Variants in THSD4 observed in about 807,000 individuals in gnomAD.
The protein encoded by THSD4 is thrombospondin type 1 domain containing 4, also known as thrombospondin type-1 domain-containing protein 4.
Under a neutral mutation model 119.0 loss-of-function variants are expected in THSD4, and 69 were observed. The ratio of observed to expected loss-of-function variants is 0.58; its 90% CI spans 0.48 to 0.71. THSD4 has a LOEUF of 0.71. THSD4 is among the 30% of genes least tolerant of loss of function. The probability of loss-of-function intolerance (pLI) is 0.00; values close to 1 mark genes in which losing one functional copy is unlikely to be tolerated. For synonymous variants in THSD4, 524 were observed against 540.4 expected (o/e 0.97, Z 0.42); for missense variants, 1,393 against 1,391.1 (o/e 1.00, Z -0.02).
At chr15:71,567,152 C>T (rs559023601) in intron 7 of THSD4, among the ~76,000 whole-genome samples, 9 of 152,244 alleles carry the variant, frequency 5.9e-5, no homozygotes, top group South Asian at 2.1e-4. Context: ...ACTGTACTGG[C>T]GGACCCTATA....
At chr15:71,283,152 G>A (rs1184341931) in intron 6 of THSD4, among the ~76,000 whole-genome samples, 2 of 152,026 alleles carry the variant, frequency 1.3e-5, no homozygotes, top group African/African-American at 2.4e-5. Flanking sequence ...TGTATTTTTA[G>A]TAGAGACGGG....
chr15:71,636,087 A>G (rs1275536149), intron 7 of THSD4, among the ~76,000 whole-genome samples: 2 of 152,168 alleles, frequency 1.3e-5, no homozygotes, highest in Admixed American at 1.3e-4. Flanking sequence ...CTGTCATGGG[A>G]CCTTCAACAA....
intron 7 of THSD4, among the ~76,000 whole-genome samples, chr15:71,528,221 G>A (rs1310917163): frequency 6.6e-6 from 1 of 152,162 alleles, no homozygotes; most frequent in African/African-American, 2.4e-5. Context: ...CTCTGCCATT[G>A]TCAGAGTCAG....
chr15:71,509,230 C>A (rs1046677366), intron 7 of THSD4, among the ~76,000 whole-genome samples: 2 of 152,168 alleles, frequency 1.3e-5, no homozygotes, highest in African/African-American at 4.8e-5. Context: ...TTATTGCTTG[C>A]TGTGAATGCA....
At chr15:71,334,230 A>G (rs929182789) in intron 6 of THSD4, among the ~76,000 whole-genome samples, 2 of 152,198 alleles carry the variant, frequency 1.3e-5, no homozygotes, top group Non-Finnish European at 2.9e-5. Context: ...ATTTTTGTGG[A>G]TCATTTTTCT....
intron 11 of THSD4, 22 bp downstream of exon 11, chr15:71,738,029 G>A (rs200596462): frequency 6.2e-7 from 1 of 1,611,662 alleles, no homozygotes; most frequent in Non-Finnish European, 8.5e-7. Flanking sequence ...TGGGGGACGG[G>A]TGGATCCCTG....
intron 6 of THSD4, among the ~76,000 whole-genome samples, chr15:71,338,128 T>C (rs1225618620): frequency 6.6e-6 from 1 of 152,216 alleles, no homozygotes; most frequent in Non-Finnish European, 1.5e-5. Flanking sequence ...GTTCAAAATA[T>C]GGTTTCAAAC....
At position 71,386,814 on chromosome 15, in the gene THSD4, C is replaced by A. The variant is rs559421233; in HGVS notation, c.1016-24873C>A. On this transcript the variant is annotated intron_variant, in intron 6 of 17. Coordinates refer to ENST00000261862, the MANE Select transcript of THSD4 (RefSeq NM_024817.3). ...TTAAGTGTTACCTGAGTTCCTAATT[C>A]AGAGGGTTAGCTTTTTAAATGATGA... Among the ~76,000 whole-genome samples the A allele has an allele frequency of 4.6e-5, 7 of 152,288 alleles. No individual in the cohort carries two copies. The South Asian group carries it at 1.5e-3, about 32-fold the overall frequency.
At chr15:71,308,230 G>A (rs572662392) in intron 6 of THSD4, among the ~76,000 whole-genome samples, 21 of 152,312 alleles carry the variant, frequency 1.4e-4, no homozygotes, top group African/African-American at 4.6e-4. Flanking sequence ...CTTGAGGCAG[G>A]CCTTTCTCTG....
intron 2 of THSD4, among the ~76,000 whole-genome samples, chr15:71,143,929 T>C (rs2040631681): frequency 6.6e-6 from 1 of 152,116 alleles, no homozygotes; most frequent in Admixed American, 6.5e-5. Context: ...TCATCTCCCT[T>C]TGCGGGAGGC....
At chr15:71,357,234 C>T (rs1408860968) in intron 6 of THSD4, among the ~76,000 whole-genome samples, 2 of 152,192 alleles carry the variant, frequency 1.3e-5, no homozygotes, top group Admixed American at 1.3e-4. Context: ...ATTTGGTGGC[C>T]ACTGCATGGA....
At position 71,242,783 on chromosome 15, in the gene THSD4, G is replaced by A. The variant is rs187347742; in HGVS notation, c.599G>A (p.Arg200Lys). Residue 200 changes from arginine to lysine, a missense_variant, in exon 5 of 18, where the codon AGG becomes AAG. Arg to Lys is a conservative substitution (Grantham distance 26, BLOSUM62 2). Coordinates refer to ENST00000261862, the MANE Select transcript of THSD4 (RefSeq NM_024817.3). The part of the protein sequence containing the change: ...RRQKLSSRHS[R>K]SQGASSARHG... ...CAGAAGCTCTCATCCCGCCATTCCAGGTCCCAGGGAGCATCTTCTGCTAGG... is the reference window on the plus strand; with the variant it reads ...CAGAAGCTCTCATCCCGCCATTCCAAGTCCCAGGGAGCATCTTCTGCTAGG... 9.3e-6 allele frequency: 15 copies of A among 1,614,142 alleles called. No individual in the cohort carries two copies. Among genetic ancestry groups the A allele is most frequent in the African/African-American group, 1.3e-5 (1 of 75,014 alleles).
intron 3 of THSD4, among the ~76,000 whole-genome samples, chr15:71,211,248 T>C (rs1039335158): frequency 2.6e-5 from 4 of 152,260 alleles, no homozygotes; most frequent in African/African-American, 9.6e-5. Flanking sequence ...TATTTTCCTG[T>C]TGTATATTAG....
chr15:71,161,715 T>G (rs962286573), intron 3 of THSD4, among the ~76,000 whole-genome samples: 83 of 152,176 alleles, frequency 5.5e-4, no homozygotes, highest in African/African-American at 2.0e-3. Flanking sequence ...CTATTTTTTT[T>G]AAATTAGAGC....
At chr15:71,584,761 T>C (rs2049631249) in intron 7 of THSD4, among the ~76,000 whole-genome samples, 1 of 152,184 alleles carries the variant, frequency 6.6e-6, no homozygotes, top group African/African-American at 2.4e-5. Flanking sequence ...TGTTTTTTAG[T>C]TCCTTTTTTC....
intron 7 of THSD4, among the ~76,000 whole-genome samples, chr15:71,510,162 C>A (rs1035022996): frequency 2.6e-5 from 4 of 152,166 alleles, no homozygotes; most frequent in Non-Finnish European, 5.9e-5. Context: ...ATAGAACACC[C>A]AATGCGCTTG....
At chr15:71,717,888 C>A (rs1249715738) in intron 8 of THSD4, among the ~76,000 whole-genome samples, 1 of 152,152 alleles carries the variant, frequency 6.6e-6, no homozygotes, top group East Asian at 1.9e-4. Flanking sequence ...GTGGCTTATG[C>A]CTGTAATCCC....
At chr15:71,467,484 G>A (rs2047516440) in intron 7 of THSD4, among the ~76,000 whole-genome samples, 1 of 152,158 alleles carries the variant, frequency 6.6e-6, no homozygotes, top group African/African-American at 2.4e-5. Flanking sequence ...GTGATAAACT[G>A]GGGGAATCTC....
At chr15:71,142,829 T>C (rs2040618127) in intron 2 of THSD4, among the ~76,000 whole-genome samples, 1 of 152,246 alleles carries the variant, frequency 6.6e-6, no homozygotes, top group African/African-American at 2.4e-5. Flanking sequence ...TGTAGTCTTT[T>C]TTCCATACCT....
Sources: gnomAD v4.1 joint callset for allele counts (sites outside exome capture counted in the v4.1 genomes callset) on GRCh38, gnomAD v4.1.1 for gene constraint, MANE v1.5 for transcripts, NCBI Gene and HGNC (gene_info 2026-07-23, HGNC 2026-07-21) for gene names.